MB21D2: variants seen among roughly 807,000 people sequenced by gnomAD.
The protein encoded by MB21D2 is Mab-21 domain containing 2, also known as nucleotidyltransferase MB21D2.
In MB21D2, 9 loss-of-function variants were observed where a neutral mutation model predicts 33.3. The observed-to-expected ratio is 0.27, with a 90% confidence interval of 0.16 to 0.47. The LOEUF (loss-of-function observed/expected upper bound fraction) is 0.47, where lower values mean the gene tolerates loss of function less well. Ranked by LOEUF, MB21D2 falls within the 20% of genes least tolerant of loss-of-function variation. MB21D2 has a pLI of 0.99. For synonymous variants in MB21D2, 241 were observed against 236.3 expected, an observed-to-expected ratio of 1.02 and a Z score of -0.18; for missense variants, 540 against 624.6, an observed-to-expected ratio of 0.86 and a Z score of 1.44.
chr3:192,917,492 A>G (rs954460888), intron 1 of MB21D2, 138 bp downstream of exon 1: 4 of 764,268 alleles, frequency 5.2e-6, no homozygotes, highest in Non-Finnish European at 8.5e-6. Context: ...GAGGCGGAAC[A>G]GAGATGGCTT....
intron 1 of MB21D2, among the ~76,000 whole-genome samples, chr3:192,867,858 C>T (rs997513918): frequency 2.6e-5 from 4 of 152,216 alleles, no homozygotes; most frequent in Non-Finnish European, 5.9e-5. Context: ...CCGGATCTTC[C>T]GCATAAGGAA....
chr3:192,882,924 G>C (rs1713637869), intron 1 of MB21D2, among the ~76,000 whole-genome samples: 1 of 151,938 alleles, frequency 6.6e-6, no homozygotes, highest in South Asian at 2.1e-4. Context: ...GTAGAGATGG[G>C]GCTTTGCCAT....
chr3:192,908,820 C>T (rs970592890), intron 1 of MB21D2, among the ~76,000 whole-genome samples: 15 of 152,128 alleles, frequency 9.9e-5, no homozygotes, highest in African/African-American at 3.1e-4. Context: ...AGAAGGTCAT[C>T]TGTAGAACCT....
chr3:192,827,669 G>A (rs919307845), intron 1 of MB21D2, among the ~76,000 whole-genome samples: 13 of 151,994 alleles, frequency 8.6e-5, no homozygotes, highest in African/African-American at 3.1e-4. Flanking sequence ...AATCTTACAT[G>A]CTTTCTGCAA....
intron 1 of MB21D2, among the ~76,000 whole-genome samples, chr3:192,908,075 G>A (rs1440933050): frequency 6.6e-6 from 1 of 152,128 alleles, no homozygotes; most frequent in Non-Finnish European, 1.5e-5. Flanking sequence ...ACATCCCTCT[G>A]CCACATAAGG....
intron 1 of MB21D2, among the ~76,000 whole-genome samples, chr3:192,898,268 C>T (rs1361652368): frequency 1.3e-5 from 2 of 149,638 alleles, no homozygotes; most frequent in African/African-American, 4.9e-5. Flanking sequence ...ATTGCCCAGG[C>T]TGGTCTTAAA....
Position 192,799,962 on chromosome 3 carries a change from T to C in MB21D2, c.212-312A>G, listed in dbSNP as rs1448187747. ...TTAATGGAATTGCCATCCACTCAGT[T>C]ATGCAGACTGAAAACCTCAGTACAT... On this transcript the variant is annotated intron_variant, in intron 1 of 1. Transcript: ENST00000392452. This position sits in a 1 kb window ranked among gnomAD's most constrained non-coding sequence, Gnocchi z 4.1. 4.6e-5 allele frequency among the ~76,000 whole-genome samples: 7 copies of C among 152,178 alleles called. No homozygotes were observed. Among genetic ancestry groups the C allele is most frequent in the Admixed American group, 2.0e-4 (3 of 15,286 alleles).
At chr3:192,801,883 T>C (rs995382614) in intron 1 of MB21D2, among the ~76,000 whole-genome samples, 6 of 152,208 alleles carry the variant, frequency 3.9e-5, no homozygotes, top group African/African-American at 1.4e-4. Context: ...CATGAAAAAG[T>C]CTTTTATTTA....
intron 1 of MB21D2, among the ~76,000 whole-genome samples, chr3:192,841,866 G>A (rs943473454): frequency 6.6e-6 from 1 of 152,222 alleles, no homozygotes; most frequent in East Asian, 1.9e-4. Flanking sequence ...TGTTTTGAAG[G>A]AAGGATGAGT....
intron 1 of MB21D2, among the ~76,000 whole-genome samples, chr3:192,891,243 A>G (rs757243647): frequency 1.3e-5 from 2 of 152,222 alleles, no homozygotes; most frequent in Non-Finnish European, 1.5e-5. Context: ...CATCTAATTC[A>G]ACCATGCATT....
intron 1 of MB21D2, among the ~76,000 whole-genome samples, chr3:192,813,299 A>ATTTTTTTTTTTTTTTTT (rs1711832372): frequency 6.8e-6 from 1 of 147,616 alleles, no homozygotes; most frequent in Non-Finnish European, 1.5e-5. Flanking sequence ...TACTGCAGTT[A>ATTTTTTTTTTTTTTTTT]ATTTTTTTTT....
At chr3:192,879,248 G>A (rs1713508234) in intron 1 of MB21D2, among the ~76,000 whole-genome samples, 1 of 152,218 alleles carries the variant, frequency 6.6e-6, no homozygotes, top group Non-Finnish European at 1.5e-5. Context: ...TTATAATAAA[G>A]AGAAGAGATT....
At chr3:192,832,430 C>T (rs190762451) in intron 1 of MB21D2, among the ~76,000 whole-genome samples, 1 of 152,308 alleles carries the variant, frequency 6.6e-6, no homozygotes. Context: ...GGAAAACTTA[C>T]TTAAGTGATG....
chr3:192,873,142 C>T (rs1343301759), intron 1 of MB21D2, among the ~76,000 whole-genome samples: 1 of 152,124 alleles, frequency 6.6e-6, no homozygotes, highest in Non-Finnish European at 1.5e-5. Flanking sequence ...CCATTACCTA[C>T]CCCTGGCTCT....
intron 1 of MB21D2, among the ~76,000 whole-genome samples, chr3:192,862,921 G>C (rs1713082334): frequency 6.6e-6 from 1 of 152,200 alleles, no homozygotes; most frequent in South Asian, 2.1e-4. Context: ...GTGCCCTGTT[G>C]CTGCACACTC....
intron 1 of MB21D2, among the ~76,000 whole-genome samples, chr3:192,854,514 G>A (rs1005929359): frequency 5.9e-5 from 9 of 152,204 alleles, no homozygotes; most frequent in African/African-American, 1.7e-4. Flanking sequence ...CAGTGCTGCC[G>A]TGGAAGCTGC....
chr3:192,829,305 T>C (rs1178534719), intron 1 of MB21D2, among the ~76,000 whole-genome samples: 1 of 152,260 alleles, frequency 6.6e-6, no homozygotes, highest in Non-Finnish European at 1.5e-5. Flanking sequence ...GGGTTTTTGC[T>C]AATATGAATA....
In MB21D2 at chr3:192,882,876, AG is replaced by A. The variant is rs1467992648; in HGVS notation, c.211+34753del. On this transcript the variant is annotated intron_variant, in intron 1 of 1. Transcript: ENST00000392452. ...CAGCCTCCCGAGTAGCTGGGACTAC[AG>A]GTGCCCACCACCACACCCAGCTAAT... is the stretch of plus-strand genomic sequence containing the variant. Among the ~76,000 whole-genome samples the A allele has an allele frequency of 5.3e-5, 8 of 151,972 alleles. 1 individual carries two copies. Among genetic ancestry groups the A allele is most frequent in the Non-Finnish European group, 1.2e-4 (8 of 68,030 alleles).
intron 1 of MB21D2, among the ~76,000 whole-genome samples, chr3:192,878,681 G>C (rs1008837735): frequency 3.9e-5 from 6 of 152,182 alleles, no homozygotes; most frequent in African/African-American, 1.4e-4. Flanking sequence ...TTGTGCTGAA[G>C]AGCAGGCTGC....
Sources: gnomAD v4.1 joint callset for allele counts (sites outside exome capture counted in the v4.1 genomes callset) on GRCh38, gnomAD v4.1.1 for gene constraint, Gnocchi (gnomAD v3.1) non-coding constraint, MANE v1.5 for transcripts, NCBI Gene and HGNC (gene_info 2026-07-23, HGNC 2026-07-21) for gene names.